TANK: variants seen among roughly 807,000 people sequenced by gnomAD.
TANK encodes the protein TRAF family member associated NFKB activator.
In TANK, 15 loss-of-function variants were observed where a neutral mutation model predicts 43.6. The observed-to-expected ratio is 0.34, with a 90% CI of 0.23 to 0.53. The LOEUF is 0.53. Among genes scored for constraint, TANK ranks in the 20% least tolerant of loss-of-function variants. TANK has a pLI of 0.94. For synonymous variants in TANK, 162 were observed against 178.2 expected (o/e 0.91, Z 0.73); for missense variants, 417 against 498.6 (o/e 0.84, Z 1.56).
At position 161,235,697 on chromosome 2, in the gene TANK, C is replaced by T. The variant is rs1033490956; in HGVS notation, c.*179C>T. On this transcript the variant is annotated 3_prime_UTR_variant, in exon 8 of 8. Coordinates refer to ENST00000392749, the MANE Select transcript of TANK (RefSeq NM_001199135.3). Reference sequence around the variant, plus strand: ...TTATTTTTTAAAAGATCATTCTGTTCTTTCAAGGAGAAATAAGCCTAAAAG... The same window carrying T: ...TTATTTTTTAAAAGATCATTCTGTTTTTTCAAGGAGAAATAAGCCTAAAAG... 1 of 482,004 alleles carries T rather than the reference C, an allele frequency of 2.1e-6. No individual in the cohort carries two copies. Among genetic ancestry groups the T allele is most frequent in the Non-Finnish European group, 3.5e-6 (1 of 289,654 alleles). 29.9% of individuals were successfully genotyped at this position (482,004 alleles called of 1,614,324 possible).
At chr2:161,179,134 A>G (rs899055603) in intron 1 of TANK, among the ~76,000 whole-genome samples, 1 of 152,118 alleles carries the variant, frequency 6.6e-6, no homozygotes, top group African/African-American at 2.4e-5. Flanking sequence ...ACACATTTTA[A>G]TTGCTCTGTG....
At chr2:161,226,625 A>G (rs945162903) in intron 6 of TANK, among the ~76,000 whole-genome samples, 1 of 152,136 alleles carries the variant, frequency 6.6e-6, no homozygotes, top group Non-Finnish European at 1.5e-5. Context: ...TTACTTTTAA[A>G]TAACCAGATA....
chr2:161,234,382 G>A (rs552646866), intron 7 of TANK, among the ~76,000 whole-genome samples: 1 of 152,266 alleles, frequency 6.6e-6, no homozygotes, highest in East Asian at 1.9e-4. Flanking sequence ...ATTTAGCTGT[G>A]TCAGAGGAAT....
At chr2:161,163,782 G>A (rs922951131) in intron 1 of TANK, among the ~76,000 whole-genome samples, 2 of 152,204 alleles carry the variant, frequency 1.3e-5, no homozygotes, top group Non-Finnish European at 2.9e-5. Flanking sequence ...AAAATCATTA[G>A]CATAGTTCAG....
intron 1 of TANK, among the ~76,000 whole-genome samples, chr2:161,140,560 G>T (rs1683716548): frequency 6.6e-6 from 1 of 150,740 alleles, no homozygotes; most frequent in Non-Finnish European, 1.5e-5. Context: ...AATTGTTTTT[G>T]CTTTATCTTT....
At chr2:161,178,944 G>T (rs1331743335) in intron 1 of TANK, among the ~76,000 whole-genome samples, 3 of 152,076 alleles carry the variant, frequency 2.0e-5, no homozygotes, top group Non-Finnish European at 2.9e-5. Context: ...ATGTTATGCA[G>T]ACTGAGGTTA....
At chr2:161,143,167 G>A in intron 1 of TANK, among the ~76,000 whole-genome samples, 1 of 152,110 alleles carries the variant, frequency 6.6e-6, no homozygotes, top group East Asian at 1.9e-4. Context: ...TTTGCACACT[G>A]ATTTTGTATC....
At chr2:161,207,700 G>C (rs1686710403) in intron 4 of TANK, 1 of 985,120 alleles carries the variant, frequency 1.0e-6, no homozygotes, top group Admixed American at 6.2e-5. Flanking sequence ...TCTATACTTA[G>C]TGAGTTATAA....
At chr2:161,215,233 G>GA (rs749651810) in intron 4 of TANK, among the ~76,000 whole-genome samples, 10 of 152,038 alleles carry the variant, frequency 6.6e-5, no homozygotes, top group East Asian at 5.8e-4. Flanking sequence ...TTTCCTGTTA[G>GA]AAAAAAATCA....
chr2:161,195,735 T>G (rs1686116793), intron 2 of TANK, among the ~76,000 whole-genome samples: 1 of 152,294 alleles, frequency 6.6e-6, no homozygotes, highest in South Asian at 2.1e-4. Flanking sequence ...ATTGCAGCAG[T>G]CCATTAAGGA....
intron 1 of TANK, 118 bp downstream of exon 1, chr2:161,160,604 C>T: frequency 1.2e-6 from 1 of 843,528 alleles, no homozygotes; most frequent in South Asian, 2.6e-5. Flanking sequence ...GGAGAGAAGC[C>T]GAGGAGCAGC....
intron 4 of TANK, among the ~76,000 whole-genome samples, chr2:161,217,586 TGTGTG>T (rs1277594563): frequency 8.0e-5 from 1 of 12,450 alleles, no homozygotes; most frequent in Admixed American, 1.5e-3. Context: ...GTAGTTGGTT[TGTGTG>T]TGTGTGTGTG....
At chr2:161,170,100 A>ATCTTT in intron 1 of TANK, among the ~76,000 whole-genome samples, 2 of 152,282 alleles carry the variant, frequency 1.3e-5, no homozygotes, top group South Asian at 4.1e-4. Context: ...CATGTCTTTG[A>ATCTTT]GATCTATCTT....
chr2:161,192,331 A>C (rs184296577), intron 2 of TANK, among the ~76,000 whole-genome samples: 1 of 152,324 alleles, frequency 6.6e-6, no homozygotes, highest in East Asian at 1.9e-4. Context: ...GCTGCGTGGA[A>C]TAATACTACC....
chr2:161,226,169 A>T (rs1687606651), intron 6 of TANK, among the ~76,000 whole-genome samples: 1 of 152,146 alleles, frequency 6.6e-6, no homozygotes, highest in African/African-American at 2.4e-5. Context: ...CAGAAAACTT[A>T]TCTCATTATC....
intron 2 of TANK, among the ~76,000 whole-genome samples, chr2:161,190,517 A>G (rs763585522): frequency 1.3e-5 from 2 of 152,204 alleles, no homozygotes. Context: ...GGTTCAGAAA[A>G]GCATTTTTCA....
At position 161,214,236 on chromosome 2, in the gene TANK, G is replaced by T. The variant is rs1442859317; in HGVS notation, c.327+9443G>T. ...TAACTTCATTTGCTTTTGAGAAAATGTCTGAATAACCATAGCTTGTGTGTC... is the reference window on the plus strand; with the variant it reads ...TAACTTCATTTGCTTTTGAGAAAATTTCTGAATAACCATAGCTTGTGTGTC... On this transcript the variant is annotated intron_variant, in intron 4 of 7. Coordinates refer to ENST00000392749, the MANE Select transcript of TANK (RefSeq NM_001199135.3). 3.3e-5 allele frequency among the ~76,000 whole-genome samples: 5 copies of T among 152,114 alleles called. No homozygotes were observed. In the East Asian group the frequency reaches 7.7e-4, roughly 23 times the overall value.
chr2:161,194,665 T>C (rs770836294), intron 2 of TANK, among the ~76,000 whole-genome samples: 1 of 152,192 alleles, frequency 6.6e-6, no homozygotes, highest in Non-Finnish European at 1.5e-5. Flanking sequence ...AGAGCTAGTC[T>C]TGACCCATGT....
chr2:161,233,829 CCATTA>C (rs2105180476), intron 7 of TANK, among the ~76,000 whole-genome samples: 1 of 151,856 alleles, frequency 6.6e-6, no homozygotes, highest in East Asian at 1.9e-4. Flanking sequence ...TATCAATTTC[CCATTA>C]CAGTGATTTG....
Sources: gnomAD v4.1 joint callset for allele counts (sites outside exome capture counted in the v4.1 genomes callset) on GRCh38, gnomAD v4.1.1 for gene constraint, MANE v1.5 for transcripts, NCBI Gene and HGNC (gene_info 2026-07-23, HGNC 2026-07-21) for gene names.